The following HPN variants were observed in gnomAD, a reference collection of about 807,000 sequenced individuals.
HPN encodes hepsin, also known as serine protease hepsin.
In HPN, 13 loss-of-function variants were observed where a neutral mutation model predicts 55.9. The ratio of observed to expected loss-of-function variants is 0.23; its 90% CI spans 0.15 to 0.37. The LOEUF is 0.37. Among genes scored for constraint, HPN ranks in the 10% least tolerant of loss-of-function variants. The pLI is 1.00. For missense variants in HPN, 451 were observed against 575.8 expected, an observed-to-expected ratio of 0.78 and a Z score of 2.22; for synonymous variants, 225 against 240.3, an observed-to-expected ratio of 0.94 and a Z score of 0.59.
chr19:35,055,828 A>T (rs2064449479), intron 4 of HPN, among the ~76,000 whole-genome samples: 1 of 152,106 alleles, frequency 6.6e-6, no homozygotes, highest in African/African-American at 2.4e-5. Flanking sequence ...ATGTTATCAG[A>T]TGGGGGCCAG....
chr19:35,052,360 T>C (rs1392110930), intron 4 of HPN, among the ~76,000 whole-genome samples: 1 of 152,084 alleles, frequency 6.6e-6, no homozygotes, highest in Non-Finnish European at 1.5e-5. Context: ...AAACCTCATC[T>C]GTACTAAAAA....
At chr19:35,057,038 G>A (rs1250553103) in intron 4 of HPN, among the ~76,000 whole-genome samples, 1 of 152,150 alleles carries the variant, frequency 6.6e-6, no homozygotes, top group Non-Finnish European at 1.5e-5. Flanking sequence ...AAAATAAACT[G>A]GCTAAAAACA....
At chr19:35,053,440 A>T (rs1024181000) in intron 4 of HPN, among the ~76,000 whole-genome samples, 1 of 152,030 alleles carries the variant, frequency 6.6e-6, no homozygotes, top group Non-Finnish European at 1.5e-5. Context: ...CCCCAACCCC[A>T]GAGCAGGAGA....
chr19:35,043,471 C>T (rs1026864408), intron 2 of HPN, among the ~76,000 whole-genome samples: 13 of 152,188 alleles, frequency 8.5e-5, no homozygotes, highest in African/African-American at 3.1e-4. Flanking sequence ...CTGTGTGGCC[C>T]TGGGCAGACG....
intron 12 of HPN, 57 bp downstream of exon 12, chr19:35,066,089 G>A: frequency 1.9e-6 from 3 of 1,610,656 alleles, no homozygotes; most frequent in Non-Finnish European, 2.5e-6. Context: ...TCTAATGGGG[G>A]AAGGGAGGCA....
At chr19:35,044,560 T>C (rs2064323429) in intron 2 of HPN, among the ~76,000 whole-genome samples, 1 of 152,214 alleles carries the variant, frequency 6.6e-6, no homozygotes, top group South Asian at 2.1e-4. Context: ...GGTTAGTCCC[T>C]GCTTCTCTTG....
At chr19:35,053,439 C>T (rs1014164795) in intron 4 of HPN, among the ~76,000 whole-genome samples, 1 of 152,002 alleles carries the variant, frequency 6.6e-6, no homozygotes, top group Non-Finnish European at 1.5e-5. Flanking sequence ...GCCCCAACCC[C>T]AGAGCAGGAG....
intron 4 of HPN, among the ~76,000 whole-genome samples, chr19:35,058,582 A>T (rs2064484900): frequency 6.8e-6 from 1 of 147,122 alleles, no homozygotes; most frequent in Admixed American, 6.9e-5. Flanking sequence ...TATTATAATA[A>T]TATATTATTA....
chr19:35,049,426 G>A (rs1188823978), intron 3 of HPN, 35 bp downstream of exon 3: 1 of 1,612,464 alleles, frequency 6.2e-7, no homozygotes, highest in African/African-American at 1.3e-5. Flanking sequence ...ACCTCCCCTG[G>A]CCCCTGCAGC....
At position 35,060,737 on chromosome 19, in the gene HPN, T is replaced by G; in HGVS notation, c.731T>G (p.Leu244Arg). 1 of 1,614,026 alleles carries G rather than the reference T, an allele frequency of 6.2e-7. No individual in the cohort carries two copies. The highest frequency in any genetic ancestry group is 8.5e-7 in the Non-Finnish European group (1 of 1,179,950). The part of the protein sequence containing the change: ...VQAVVYHGGY[L>R]PFRDPNSEEN... ...GCTGTGGTCTACCACGGGGGCTATC[T>G]TCCCTTTCGGGACCCCAACAGCGAG... The change falls in exon 9 of 13, where the codon CTT (leucine) becomes CGT (arginine). Residue 244 changes from leucine (L) to arginine (R), a missense_variant. By Grantham distance (102) the Leu-to-Arg change is moderately radical. Around this residue, in one of 2 missense-constraint regions of HPN, gnomAD observed 378 missense variants for 445.5 expected, o/e 0.85. Coordinates refer to ENST00000672452, the MANE Select transcript of HPN (RefSeq NM_001384133.1).
rs756984025 is a variant in HPN, at chr19:35,059,692, C to T, written c.180C>T (p.Asp60=). The T allele has an allele frequency of 1.1e-5, 18 of 1,599,038 alleles. No individual in the cohort carries two copies. Among genetic ancestry groups the T allele is most frequent in the Admixed American group, 1.7e-5 (1 of 57,780 alleles). The part of the protein sequence containing the change: ...PLYPVQVSSA[D]ARLMVFDKTE... ...CTGCAGTGCAGGTCAGCTCTGCGGA[C>T]GCTCGGCTCATGGTCTTTGACAAGA... Residue 60 remains aspartate (D), a synonymous_variant, in exon 5 of 13, where the codon GAC becomes GAT. Transcript: ENST00000672452.
chr19:35,060,446 C>G lies in HPN; in HGVS notation c.554C>G (p.Ala185Gly), dbSNP rs2151765731. 1.9e-6 allele frequency: 3 copies of G among 1,613,442 alleles called. No individual in the cohort carries two copies. In the East Asian group the frequency reaches 6.7e-5, roughly 36 times the overall value. ...PWQVSLRYDG[A>G]HLCGGSLLSG... is the part of the protein sequence containing the mutation. Reference sequence around the variant, plus strand: ...CAAGTCAGCCTTCGCTATGATGGAGCACACCTCTGTGGGGGATCCCTGCTC... The same window carrying G: ...CAAGTCAGCCTTCGCTATGATGGAGGACACCTCTGTGGGGGATCCCTGCTC... Residue 185 changes from alanine (A) to glycine (G), a missense_variant, in exon 8 of 13, where the codon GCA (alanine) becomes GGA (glycine). Ala to Gly is a moderately conservative substitution (Grantham distance 60, BLOSUM62 0). Around this residue, in one of 2 missense-constraint regions of HPN, gnomAD observed 378 missense variants for 445.5 expected, o/e 0.85. Transcript: ENST00000672452.
chr19:35,047,432 C>A (rs542977850), intron 2 of HPN, among the ~76,000 whole-genome samples: 1 of 152,310 alleles, frequency 6.6e-6, no homozygotes, highest in Admixed American at 6.5e-5. Flanking sequence ...GCCCTGTGAT[C>A]CCTGATCCCC....
At chr19:35,063,753 C>T (rs1470440596) in intron 9 of HPN, among the ~76,000 whole-genome samples, 2 of 152,144 alleles carry the variant, frequency 1.3e-5, no homozygotes, top group East Asian at 1.9e-4. Context: ...CAGGTGGAAG[C>T]GGCTGGGATT....
chr19:35,065,574 C>T lies in HPN; in HGVS notation c.943C>T (p.Pro315Ser). Residue 315 changes from proline (P) to serine (S), a missense_variant, in exon 11 of 13, where the codon CCC (proline) becomes TCC (serine). By Grantham distance (74) the Pro-to-Ser change is moderately conservative (BLOSUM62 -1). This residue lies in a region of HPN where 378 missense variants were observed against 445.5 expected (regional missense o/e 0.85). Coordinates refer to ENST00000672452, the MANE Select transcript of HPN (RefSeq NM_001384133.1). ...QAGVLQEARV[P>S]IISNDVCNGA... ...CGGGGTACTCCAGGAGGCTCGAGTC[C>T]CCATAATCAGCAATGATGTCTGCAA... 1 of 1,614,120 alleles carries T rather than the reference C, an allele frequency of 6.2e-7. No individual in the cohort carries two copies. Among genetic ancestry groups the T allele is most frequent in the Non-Finnish European group, 8.5e-7 (1 of 1,180,022 alleles).
chr19:35,043,334 G>A (rs1352458158), intron 2 of HPN, among the ~76,000 whole-genome samples: 2 of 152,188 alleles, frequency 1.3e-5, no homozygotes, highest in Non-Finnish European at 2.9e-5. Flanking sequence ...TCACACATGG[G>A]ACCCAGCTGG....
At chr19:35,062,114 G>T (rs1254672859) in intron 9 of HPN, among the ~76,000 whole-genome samples, 2 of 151,754 alleles carry the variant, frequency 1.3e-5, no homozygotes, top group African/African-American at 4.8e-5. Context: ...AGGAAGAAAA[G>T]AAGAAAAGAA....
intron 9 of HPN, among the ~76,000 whole-genome samples, chr19:35,064,949 G>C (rs1336583783): frequency 2.0e-5 from 3 of 152,166 alleles, no homozygotes; most frequent in African/African-American, 7.2e-5. Flanking sequence ...AGTCTCCCGA[G>C]TAGCTGGGAT....
At position 35,065,359 on chromosome 19, in the gene HPN, T is replaced by G; in HGVS notation, c.907+14T>G. 6.2e-7 allele frequency: 1 copy of G among 1,603,808 alleles called. No homozygotes were observed. The highest frequency in any genetic ancestry group is 8.5e-7 in the Non-Finnish European group (1 of 1,172,436). On this transcript the variant is annotated intron_variant, in intron 10 of 12. Coordinates refer to ENST00000672452, the MANE Select transcript of HPN (RefSeq NM_001384133.1). ...CGCAGTACTATGGTGAGTCCTGTCC[T>G]CTGCCTCTGATGCCACCGTTTGGGA...
Sources: allele counts gnomAD v4.1 joint callset (sites outside exome capture counted in the v4.1 genomes callset), GRCh38; gene constraint gnomAD v4.1.1; regional missense constraint gnomAD v4.1.1; transcripts MANE v1.5; gene names NCBI Gene and HGNC (gene_info 2026-07-23, HGNC 2026-07-21).